Variants in GLRA2 observed in about 807,000 individuals in gnomAD.
GLRA2 encodes the protein glycine receptor subunit alpha-2.
GLRA2 carries 11 observed loss-of-function variants against 31.6 expected under a neutral mutation model. The ratio of observed to expected loss-of-function variants is 0.35; its 90% CI spans 0.22 to 0.58. The LOEUF (loss-of-function observed/expected upper bound fraction) is 0.58. Among genes scored for constraint, GLRA2 ranks in the 20% least tolerant of loss-of-function variants. The pLI is 0.84. For missense variants in GLRA2, 212 were observed against 351.8 expected (o/e 0.60, Z 3.18); for synonymous variants, 132 against 134.0 (o/e 0.99, Z 0.10).
At chrX:14,624,774 G>T (rs745820835) in intron 7 of GLRA2, among the ~76,000 whole-genome samples, 66 of 111,835 alleles carry the variant, frequency 5.9e-4, no homozygotes, top group Middle Eastern at 4.6e-3. Context: ...TTCCAACTAT[G>T]TGGTGAATTT....
At chrX:14,611,803 C>T (rs767363021) in intron 7 of GLRA2, among the ~76,000 whole-genome samples, 6 of 111,437 alleles carry the variant, frequency 5.4e-5, no homozygotes, top group Non-Finnish European at 1.1e-4. Flanking sequence ...AAATTCTCAT[C>T]GAATGGATAA....
chrX:14,555,747 T>G (rs17300961), intron 2 of GLRA2, among the ~76,000 whole-genome samples: 6,722 of 112,111 alleles, frequency 0.06, 192 homozygotes, highest in Middle Eastern at 0.18. Context: ...GCTGAAGAAA[T>G]GAAGGCCGAT....
intron 2 of GLRA2, among the ~76,000 whole-genome samples, chrX:14,568,705 AAAAAG>A (rs1428609228): frequency 1.1e-4 from 7 of 63,216 alleles, no homozygotes; most frequent in African/African-American, 4.9e-4. Context: ...AAAAAAAAAA[AAAAAG>A]AAAAGAAAAA....
At chrX:14,549,154 C>A (rs914267828) in intron 2 of GLRA2, among the ~76,000 whole-genome samples, 1 of 111,436 alleles carries the variant, frequency 9.0e-6, no homozygotes, top group African/African-American at 3.3e-5. Flanking sequence ...GTATTGAGAG[C>A]AAATAGGTGT....
At chrX:14,539,123 G>A (rs2089365758) in intron 2 of GLRA2, among the ~76,000 whole-genome samples, 1 of 111,075 alleles carries the variant, frequency 9.0e-6, no homozygotes, top group Non-Finnish European at 1.9e-5. Flanking sequence ...GTCTCTTGGT[G>A]CTCAATGAAT....
At chrX:14,602,913 A>G (rs190497522) in intron 4 of GLRA2, among the ~76,000 whole-genome samples, 31 of 111,395 alleles carry the variant, frequency 2.8e-4, no homozygotes, top group African/African-American at 1.0e-3. Context: ...TTTTTCATAT[A>G]ATAACTTCTT....
intron 7 of GLRA2, among the ~76,000 whole-genome samples, chrX:14,650,058 A>C (rs1266508484): frequency 8.9e-6 from 1 of 111,980 alleles, no homozygotes; most frequent in Non-Finnish European, 1.9e-5. Context: ...TTATCACAGG[A>C]CTACTGAACT....
At chrX:14,522,596 T>C in the GLRA2 span, among the ~76,000 whole-genome samples, 2 of 112,363 alleles carry the variant, frequency 1.8e-5, no homozygotes, top group Non-Finnish European at 3.8e-5. Context: ...ATTTACAAAA[T>C]GTATTTCTTA....
intron 2 of GLRA2, among the ~76,000 whole-genome samples, chrX:14,564,854 T>C (rs745378072): frequency 2.7e-5 from 3 of 111,613 alleles, no homozygotes; most frequent in African/African-American, 9.7e-5. Context: ...AAATCTAGGT[T>C]GTTAAATGTA....
At chrX:14,524,764 G>T (rs904705237), upstream of GLRA2, among the ~76,000 whole-genome samples, 2 of 110,813 alleles carry the variant, frequency 1.8e-5, no homozygotes, top group East Asian at 5.6e-4. Flanking sequence ...GTGTGTGTGT[G>T]TGTATCTTAA....
intron 8 of GLRA2, among the ~76,000 whole-genome samples, chrX:14,700,242 G>A (rs2091519316): frequency 9.0e-6 from 1 of 111,064 alleles, no homozygotes; most frequent in African/African-American, 3.3e-5. Context: ...CTATGGAAGT[G>A]GATAAGATTA....
chrX:14,450,161 T>A, the GLRA2 span, among the ~76,000 whole-genome samples: 1 of 112,201 alleles, frequency 8.9e-6, no homozygotes, highest in Admixed American at 9.4e-5. Flanking sequence ...AACCTCAGGC[T>A]ACAGGTGCCA....
chrX:14,522,080 A>T, the GLRA2 span, among the ~76,000 whole-genome samples: 15,673 of 111,410 alleles, frequency 0.14, 1,037 homozygotes, highest in Non-Finnish European at 0.2. Context: ...ATGATGTTTG[A>T]TAACATTTTG....
chrX:14,488,460 CA>C, the GLRA2 span, among the ~76,000 whole-genome samples: 3 of 111,654 alleles, frequency 2.7e-5, no homozygotes, highest in Non-Finnish European at 5.6e-5. Context: ...GTGTTTCCCT[CA>C]CTTTATGAGT....
At chrX:14,608,268 T>C (rs2147095721) in intron 6 of GLRA2, among the ~76,000 whole-genome samples, 1 of 111,727 alleles carries the variant, frequency 9.0e-6, no homozygotes, top group South Asian at 3.7e-4. Context: ...GTCTCTTAAA[T>C]GTTAGAAGTT....
At chrX:14,693,480 T>C (rs1392369513) in intron 8 of GLRA2, among the ~76,000 whole-genome samples, 1 of 111,588 alleles carries the variant, frequency 9.0e-6, no homozygotes, top group Non-Finnish European at 1.9e-5. Flanking sequence ...CAAGTTTAAA[T>C]TGACAGATAT....
chrX:14,512,410 T>C, the GLRA2 span, among the ~76,000 whole-genome samples: 14 of 111,145 alleles, frequency 1.3e-4, no homozygotes, highest in African/African-American at 4.6e-4. Context: ...AGTACTGAAA[T>C]TCCTAGCCAG....
chrX:14,527,704 A>G (rs1380431521), upstream of GLRA2, among the ~76,000 whole-genome samples: 1 of 111,993 alleles, frequency 8.9e-6, no homozygotes, highest in Non-Finnish European at 1.9e-5. Context: ...ATTTTCTTCT[A>G]TCTTTATACC....
At chrX:14,460,045 C>G in the GLRA2 span, among the ~76,000 whole-genome samples, 13 of 111,864 alleles carry the variant, frequency 1.2e-4, no homozygotes, top group African/African-American at 4.2e-4. Flanking sequence ...GAGATACATT[C>G]CATCAATACC....
Sources: allele counts gnomAD v4.1 joint callset (sites outside exome capture counted in the v4.1 genomes callset), GRCh38; gene constraint gnomAD v4.1.1; transcripts MANE v1.5; gene names NCBI Gene and HGNC (gene_info 2026-07-23, HGNC 2026-07-21).